The following ZNF44 variants were observed in gnomAD, a reference collection of about 807,000 sequenced individuals.
ZNF44 encodes gonadotropin inducible transcription repressor-2.
A neutral mutation model predicts 11.7 loss-of-function variants in ZNF44; 9 were observed. The observed-to-expected ratio is 0.77, with a 90% confidence interval of 0.46 to 1.35. The LOEUF (loss-of-function observed/expected upper bound fraction) is 1.35, where lower values mean the gene tolerates loss of function less well. Among genes scored for constraint, ZNF44 ranks in the 40% most tolerant of loss-of-function variants. ZNF44 has a pLI of 0.00. For missense variants in ZNF44, 696 were observed against 743.1 expected (o/e 0.94, Z 0.74); for synonymous variants, 224 against 242.7 (o/e 0.92, Z 0.72).
chr19:12,238,784 A>G (rs142825941), upstream of ZNF44, among the ~76,000 whole-genome samples: 3 of 152,252 alleles, frequency 2.0e-5, no homozygotes, highest in East Asian at 5.8e-4. Context: ...CAGCAGAGTA[A>G]GACTTCATTT....
At chr19:12,271,089 T>C (rs1033631965), downstream of ZNF44, among the ~76,000 whole-genome samples, 3 of 152,024 alleles carry the variant, frequency 2.0e-5, no homozygotes, top group African/African-American at 7.3e-5. Context: ...ATGCAGAAGA[T>C]TAAGAAGAGG....
chr19:12,293,116 C>T (rs886281388), intron 1 of ZNF44: 28 of 1,278,512 alleles, frequency 2.2e-5, no homozygotes, highest in African/African-American at 1.0e-4. Context: ...GTGATCCGCC[C>T]GCCTCGGCTT....
intron 5 of ZNF44, among the ~76,000 whole-genome samples, chr19:12,265,720 T>C (rs1917702049): frequency 6.6e-6 from 1 of 152,234 alleles, no homozygotes; most frequent in Admixed American, 6.5e-5. Flanking sequence ...CTGCTATCTC[T>C]GCTTTCCTCT....
downstream of ZNF44, among the ~76,000 whole-genome samples, chr19:12,245,801 A>G (rs1485812709): frequency 2.0e-5 from 3 of 151,160 alleles, no homozygotes; most frequent in Non-Finnish European, 2.9e-5. Flanking sequence ...TTTTTTTTCC[A>G]TGTTAGAATT....
intron 1 of ZNF44, among the ~76,000 whole-genome samples, chr19:12,290,052 G>C (rs1271521688): frequency 6.6e-6 from 1 of 152,128 alleles, no homozygotes; most frequent in African/African-American, 2.4e-5. Context: ...TCTGCCTGTG[G>C]ATCCCCAGAT....
rs373578837 is a variant in ZNF44 at position 12,273,304 on chromosome 19, C to T, written c.951G>A (p.Ala317=). Residue 317 remains alanine (A), a synonymous_variant, in exon 4 of 4, where the codon GCG becomes GCA. Transcript: ENST00000355684. The part of the protein sequence containing the change: ...KPYTCKQCGK[A]FCHLGSFQRH... ...TTTGAAAGCTTCCAAGATGACAAAA[C>T]GCTTTCCCACACTGTTTACATGTAT... 23 of 1,613,162 alleles carry T rather than the reference C, an allele frequency of 1.4e-5. No homozygotes were observed. The highest frequency in any genetic ancestry group is 6.7e-5 in the African/African-American group (5 of 74,714).
intron 6 of ZNF44, chr19:12,250,105 A>T (rs1191234668): frequency 1.6e-6 from 2 of 1,251,320 alleles, no homozygotes; most frequent in Non-Finnish European, 2.1e-6. Flanking sequence ...ATTAGATTCT[A>T]GGTCCATATG....
At chr19:12,232,724 GTC>G (rs1483186654) in intron 2 of ZNF44, among the ~76,000 whole-genome samples, 1 of 152,144 alleles carries the variant, frequency 6.6e-6, no homozygotes, top group East Asian at 1.9e-4. Context: ...ACAAAATGGA[GTC>G]TCCTATGTCT....
chr19:12,284,379 G>A (rs910238726), intron 1 of ZNF44: 2 of 610,844 alleles, frequency 3.3e-6, no homozygotes, highest in African/African-American at 3.7e-5. Context: ...CAGAGGCCCT[G>A]GGGACCCTGG....
Position 12,294,859 on chromosome 19 carries a change from CCT to C in ZNF44, c.-167_-166del. 1.4e-6 allele frequency: 1 copy of C among 729,286 alleles called. No homozygotes were observed. The highest frequency in any genetic ancestry group is 1.9e-5 in the African/African-American group (1 of 52,736). 45.2% of individuals were successfully genotyped at this position (729,286 alleles called of 1,614,324 possible). A position where few individuals can be genotyped will look rare whatever the true frequency, so the allele number is the denominator to read the frequency against. ...ACTAGCTCCTGGAACGTCACACCCT[CCT>C]CTCTGCCTCGCGCCTGATTGACAAT... On this transcript the variant is annotated 5_prime_UTR_variant, in exon 1 of 4. Transcript: ENST00000355684.
intron 5 of ZNF44, among the ~76,000 whole-genome samples, chr19:12,252,035 G>T (rs563763686): frequency 1.4e-5 from 2 of 146,106 alleles, no homozygotes; most frequent in Non-Finnish European, 3.0e-5. Context: ...TGGGCAATAA[G>T]AGTGAAACTC....
In ZNF44 at chr19:12,271,924, G is replaced by A. The variant is rs925237786; in HGVS notation, c.*483C>T. On this transcript the variant is annotated 3_prime_UTR_variant, in exon 4 of 4. Coordinates refer to ENST00000355684, the MANE Select transcript of ZNF44 (RefSeq NM_016264.4). ...AAAAGAGCTGGCATCTGTGGATTTA[G>A]GTATACTCAGGGTGTACTGGAACCA... The A allele has an allele frequency of 1.3e-5, 2 of 152,370 alleles. No homozygotes were observed. Among genetic ancestry groups the A allele is most frequent in the Non-Finnish European group, 2.9e-5 (2 of 68,236 alleles). 9.4% of individuals were successfully genotyped at this position (152,370 alleles called of 1,614,324 possible).
At chr19:12,270,650 C>A (rs1966920976), downstream of ZNF44, among the ~76,000 whole-genome samples, 1 of 152,080 alleles carries the variant, frequency 6.6e-6, no homozygotes, top group Non-Finnish European at 1.5e-5. Flanking sequence ...TGGGGTTTCA[C>A]CATGTTGACC....
Position 12,273,543 on chromosome 19 carries a change from T to C in ZNF44, c.712A>G (p.Ser238Gly). ...KQCSKAFPVY[S>G]SYLRHEKIHT... is the part of the protein sequence containing the mutation. ...ATTTTTTCATGTCTTAGATAGGAAC[T>C]GTAAACAGGGAAGGCTTTAGAACAC... The change falls in exon 4 of 4, where the codon AGT becomes GGT. Residue 238 changes from serine to glycine, a missense_variant. Transcript: ENST00000355684. 1 of 1,614,078 alleles carries C rather than the reference T, an allele frequency of 6.2e-7. No homozygotes were observed. Among genetic ancestry groups the C allele is most frequent in the Non-Finnish European group, 8.5e-7 (1 of 1,180,010 alleles).
In ZNF44 at chr19:12,285,130, C is replaced by T. The variant is rs148300482; in HGVS notation, c.4-9048G>A. 276 of 630,602 alleles carry T rather than the reference C, an allele frequency of 4.4e-4. 1 individual carries two copies. In the African/African-American group the frequency reaches 4.5e-3, roughly 10 times the overall value. 39.1% of individuals were successfully genotyped at this position (630,602 alleles called of 1,614,324 possible). A position where few individuals can be genotyped will look rare whatever the true frequency, so the allele number is the denominator to read the frequency against. On this transcript the variant is annotated intron_variant, in intron 1 of 3. Coordinates refer to ENST00000355684, the MANE Select transcript of ZNF44 (RefSeq NM_016264.4). Reference sequence around the variant, plus strand: ...GAATTCACTGACCACCTCGTTAAGACCCACACCAGAGTCTCTGTGCAGAGG... The same window carrying T: ...GAATTCACTGACCACCTCGTTAAGATCCACACCAGAGTCTCTGTGCAGAGG...
intron 1 of ZNF44, chr19:12,290,903 C>CA (rs1967983334): frequency 5.7e-6 from 1 of 176,358 alleles, no homozygotes; most frequent in African/African-American, 2.4e-5. Flanking sequence ...CCACCCCAGT[C>CA]AAGGCCATTT....
At chr19:12,247,616 C>T (rs1916808852), downstream of ZNF44, 1 of 1,334,836 alleles carries the variant, frequency 7.5e-7, no homozygotes, top group African/African-American at 1.5e-5. Context: ...CATACTGTTT[C>T]TTTGCAGTGT....
chr19:12,281,110 CAT>C (rs1967458574), intron 1 of ZNF44, among the ~76,000 whole-genome samples: 1 of 152,116 alleles, frequency 6.6e-6, no homozygotes. Context: ...TTAATTGAAA[CAT>C]ATTTATAGAA....
chr19:12,292,683 T>C (rs1052017588), intron 1 of ZNF44, among the ~76,000 whole-genome samples: 9 of 151,848 alleles, frequency 5.9e-5, no homozygotes, highest in Admixed American at 6.6e-5. Flanking sequence ...ATTGGGTGGG[T>C]TTTTCAGTTT....
Sources: allele counts gnomAD v4.1 joint callset (sites outside exome capture counted in the v4.1 genomes callset), GRCh38; gene constraint gnomAD v4.1.1; transcripts MANE v1.5; gene names NCBI Gene and HGNC (gene_info 2026-07-23, HGNC 2026-07-21).